ARHGAP29: variants seen among roughly 807,000 people sequenced by gnomAD.
ARHGAP29 encodes rho GTPase-activating protein 29.
A neutral mutation model predicts 122.6 loss-of-function variants in ARHGAP29; 43 were observed. The ratio of observed to expected loss-of-function variants is 0.35; its 90% CI spans 0.27 to 0.45. The LOEUF (loss-of-function observed/expected upper bound fraction) is 0.45, where lower values mean the gene tolerates loss of function less well. Among genes scored for constraint, ARHGAP29 ranks in the 20% least tolerant of loss-of-function variants. ARHGAP29 has a pLI of 1.00. For missense variants in ARHGAP29, 1,303 were observed against 1,477.2 expected, an observed-to-expected ratio of 0.88 and a Z score of 1.93; for synonymous variants, 506 against 497.1, an observed-to-expected ratio of 1.02 and a Z score of -0.24.
At chr1:94,308,212 G>A in the ARHGAP29 span, among the ~76,000 whole-genome samples, 1 of 152,088 alleles carries the variant, frequency 6.6e-6, no homozygotes, top group South Asian at 2.1e-4. Context: ...TTATAAAAAA[G>A]TTTTTCATAG....
chr1:94,169,902 A>G lies in ARHGAP29; in HGVS notation c.*3967T>C, dbSNP rs1648619095. Among the ~76,000 whole-genome samples, 1 of 152,220 alleles carries G rather than the reference A, an allele frequency of 6.6e-6. No homozygotes were observed. The highest frequency in any genetic ancestry group is 6.5e-5 in the Admixed American group (1 of 15,284). ...CGGGGAAAATTTCAGCATGAAAATAAGTGACAATAATACACTGTCACTGAA... is the reference window on the plus strand; with the variant it reads ...CGGGGAAAATTTCAGCATGAAAATAGGTGACAATAATACACTGTCACTGAA... On this transcript the variant is annotated 3_prime_UTR_variant, in exon 23 of 23. Transcript: ENST00000260526.
chr1:94,253,245 A>G (rs1654173606), intron 1 of ARHGAP29, among the ~76,000 whole-genome samples: 1 of 152,128 alleles, frequency 6.6e-6, no homozygotes, highest in African/African-American at 2.4e-5. Context: ...CTGGAATTAC[A>G]GGTGTGAGCC....
intron 5 of ARHGAP29, among the ~76,000 whole-genome samples, chr1:94,206,781 A>G (rs1346461874): frequency 1.3e-5 from 2 of 151,946 alleles, no homozygotes; most frequent in Non-Finnish European, 2.9e-5. Flanking sequence ...CTGTGGTCCC[A>G]GCTACTTGGG....
At chr1:94,286,930 T>G in the ARHGAP29 span, among the ~76,000 whole-genome samples, 1 of 152,102 alleles carries the variant, frequency 6.6e-6, no homozygotes, top group Non-Finnish European at 1.5e-5. Context: ...CCAATTCAAT[T>G]CCAACACTAT....
At chr1:94,197,639 A>T (rs1328291219) in intron 12 of ARHGAP29, among the ~76,000 whole-genome samples, 1 of 152,324 alleles carries the variant, frequency 6.6e-6, no homozygotes, top group East Asian at 1.9e-4. Flanking sequence ...CCAGCAATAT[A>T]AAAAAGAAAA....
upstream of ARHGAP29, among the ~76,000 whole-genome samples, chr1:94,238,675 A>G (rs746762166): frequency 4.6e-5 from 7 of 152,142 alleles, no homozygotes; most frequent in Admixed American, 2.6e-4. Flanking sequence ...CTGGAAAGAA[A>G]ATGAGGTGCA....
At chr1:94,174,805 G>A (rs1648989737) in intron 22 of ARHGAP29, 56 bp from the exon 23 acceptor site, 1 of 1,544,486 alleles carries the variant, frequency 6.5e-7, no homozygotes, top group Admixed American at 1.9e-5. Context: ...AAGAGAGTTT[G>A]AATGAGTTAG....
intron 12 of ARHGAP29, chr1:94,193,336 T>G (rs1487727779): frequency 6.7e-6 from 1 of 149,522 alleles, no homozygotes; most frequent in East Asian, 2.0e-4. Flanking sequence ...TTTGAGTCAC[T>G]GCCTGTCAGA....
At chr1:94,174,850 CA>C in intron 22 of ARHGAP29, 101 bp from the exon 23 acceptor site, 1 of 1,304,340 alleles carries the variant, frequency 7.7e-7, no homozygotes, top group Non-Finnish European at 1.1e-6. Context: ...ATGAGTCTTA[CA>C]TATTTTTTCC....
intron 12 of ARHGAP29, chr1:94,192,978 TGATACAGCTCA>T (rs1210840785): frequency 6.6e-6 from 1 of 152,062 alleles, no homozygotes; most frequent in Non-Finnish European, 1.5e-5. Flanking sequence ...ACACCAACCC[TGATACAGCTCA>T]GATTTGGGAC....
At chr1:94,285,879 AAAAAAAAAAAAG>A in the ARHGAP29 span, among the ~76,000 whole-genome samples, 14 of 151,596 alleles carry the variant, frequency 9.2e-5, no homozygotes, top group African/African-American at 3.1e-4. Flanking sequence ...GTCTCAAAAA[AAAAAAAAAAAAG>A]AAAAAAAAAA....
intron 12 of ARHGAP29, chr1:94,195,465 A>T (rs1650394866): frequency 6.6e-6 from 1 of 152,216 alleles, no homozygotes; most frequent in African/African-American, 2.4e-5. Flanking sequence ...AATAACACAG[A>T]TGTGTGCAAC....
chr1:94,220,856 C>T (rs779339482), intron 2 of ARHGAP29, among the ~76,000 whole-genome samples: 1 of 145,284 alleles, frequency 6.9e-6, no homozygotes, highest in Non-Finnish European at 1.6e-5. Flanking sequence ...AGTTTTTGTG[C>T]TTTTTAGAAA....
At chr1:94,196,979 T>C (rs892362225) in intron 12 of ARHGAP29, among the ~76,000 whole-genome samples, 5 of 152,034 alleles carry the variant, frequency 3.3e-5, no homozygotes, top group African/African-American at 1.2e-4. Flanking sequence ...GAAACTTTTT[T>C]AAAAAGGCAA....
In ARHGAP29 at chr1:94,184,083, A is replaced by C. The variant is rs1386271927; in HGVS notation, c.2247+68T>G. The C allele has an allele frequency of 2.0e-6, 3 of 1,528,222 alleles. No individual in the cohort carries two copies. In the Admixed American group the frequency reaches 5.8e-5, roughly 29 times the overall value. The allele number at this position is 1,528,222 out of a possible 1,614,324, so 94.7% of individuals were successfully genotyped here. A position where few individuals can be genotyped will look rare whatever the true frequency, so the allele number is the denominator to read the frequency against. On this transcript the variant is annotated intron_variant, in intron 19 of 22. Coordinates refer to ENST00000260526, the MANE Select transcript of ARHGAP29 (RefSeq NM_004815.4). ...AAAAACATGTGTAGCAAATGTTATC[A>C]GCAAAATACAAATCATATTTTTGCT...
upstream of ARHGAP29, among the ~76,000 whole-genome samples, chr1:94,241,594 G>T (rs1192170049): frequency 6.7e-6 from 1 of 149,062 alleles, no homozygotes; most frequent in Non-Finnish European, 1.5e-5. Context: ...TCCAGCTTGG[G>T]CAACAAGAGC....
chr1:94,302,549 C>A, the ARHGAP29 span: 1 of 333,756 alleles, frequency 3.0e-6, no homozygotes, highest in South Asian at 2.4e-5. Flanking sequence ...GCATCACAGT[C>A]CATGCCATCA....
At chr1:94,187,581 C>T (rs1649884923) in intron 15 of ARHGAP29, among the ~76,000 whole-genome samples, 1 of 152,202 alleles carries the variant, frequency 6.6e-6, no homozygotes, top group South Asian at 2.1e-4. Context: ...AATCCCTTGT[C>T]ACTTCCAGTA....
chr1:94,179,116 T>G (rs115144359), intron 20 of ARHGAP29, among the ~76,000 whole-genome samples: 1 of 152,342 alleles, frequency 6.6e-6, no homozygotes, highest in African/African-American at 2.4e-5. Flanking sequence ...AACAGATGGC[T>G]GAAACCCTAT....
Sources: gnomAD v4.1 joint callset for allele counts (sites outside exome capture counted in the v4.1 genomes callset) on GRCh38, gnomAD v4.1.1 for gene constraint, MANE v1.5 for transcripts, NCBI Gene and HGNC (gene_info 2026-07-23, HGNC 2026-07-21) for gene names.